PCDHA2: variants seen among roughly 807,000 people sequenced by gnomAD.
PCDHA2 encodes protocadherin alpha-2.
PCDHA2 carries 58 observed loss-of-function variants against 66.0 expected under a neutral mutation model. The observed-to-expected ratio is 0.88, with a 90% CI of 0.71 to 1.09. The LOEUF (loss-of-function observed/expected upper bound fraction) is 1.09, where lower values mean the gene tolerates loss of function less well. Among genes scored for constraint, PCDHA2 ranks in the 50% least tolerant of loss-of-function variants. PCDHA2 has a pLI of 0.00. For synonymous variants in PCDHA2, 634 were observed against 554.0 expected (o/e 1.14, Z -2.03); for missense variants, 1,267 against 1,242.3 (o/e 1.02, Z -0.30).
In PCDHA2 at chr5:140,843,230, C is replaced by A. The variant is rs1225755586; in HGVS notation, c.2388+45878C>A. On this transcript the variant is annotated intron_variant, in intron 1 of 3. Transcript: ENST00000526136. ...GGGCGAGATCAGCACCACTCGTGTC[C>A]TGGACGAAGCGGACTCTCCGCGCCA... 4 of 1,596,146 alleles carry A rather than the reference C, an allele frequency of 2.5e-6. 1 individual carries two copies. In the African/African-American group the frequency reaches 5.4e-5, roughly 21 times the overall value.
At position 141,009,957 on chromosome 5, in the gene PCDHA2, G is replaced by A; in HGVS notation, c.*20G>A. The stretch of plus-strand genomic sequence containing the variant: ...CAGTGAGGTCCTCAAATGGAAACAA[G>A]CCACTTAGCCAGTTTTTGTAATAAT... On this transcript the variant is annotated 3_prime_UTR_variant, in exon 4 of 4. Transcript: ENST00000526136. 1 of 1,589,160 alleles carries A rather than the reference G, an allele frequency of 6.3e-7. No individual in the cohort carries two copies. Among genetic ancestry groups the A allele is most frequent in the Non-Finnish European group, 8.5e-7 (1 of 1,171,102 alleles).
intron 1 of PCDHA2, chr5:140,829,960 C>T: frequency 1.2e-6 from 2 of 1,613,984 alleles, no homozygotes; most frequent in South Asian, 1.1e-5. Flanking sequence ...TCCCGTTTCG[C>T]GTGGGGCTGT....
chr5:140,860,155 A>G (rs1159738413), intron 1 of PCDHA2: 2 of 149,648 alleles, frequency 1.3e-5, no homozygotes, highest in African/African-American at 4.9e-5. Flanking sequence ...ATATATGTGT[A>G]TATATATATG....
intron 1 of PCDHA2, among the ~76,000 whole-genome samples, chr5:140,974,766 G>A (rs2096639663): frequency 6.6e-6 from 1 of 152,158 alleles, no homozygotes; most frequent in Non-Finnish European, 1.5e-5. Flanking sequence ...GGGATTACAG[G>A]TATGAGCCAC....
chr5:140,921,631 T>C (rs1435281144), intron 1 of PCDHA2, among the ~76,000 whole-genome samples: 2 of 152,206 alleles, frequency 1.3e-5, no homozygotes, highest in Non-Finnish European at 2.9e-5. Flanking sequence ...ATCATCATTA[T>C]GGTAGCTATT....
chr5:140,809,376 G>A (rs1554125172), intron 1 of PCDHA2: 1 of 1,614,034 alleles, frequency 6.2e-7, no homozygotes, highest in South Asian at 1.1e-5. Context: ...CCCACCGAGG[G>A]CGCGTGCGCT....
In PCDHA2 at chr5:140,982,326, G is replaced by T. The variant is rs1369721700; in HGVS notation, c.2448-149G>T. 1.6e-5 allele frequency: 22 copies of T among 1,411,958 alleles called. No homozygotes were observed. In the Admixed American group the frequency reaches 3.0e-4, roughly 20 times the overall value. The allele number at this position is 1,411,958 out of a possible 1,614,324, so 87.5% of individuals were successfully genotyped here. On this transcript the variant is annotated intron_variant, in intron 2 of 3. Transcript: ENST00000526136. ...CTTCTGCAGTTTATGCAGGGTGACTGCTCAGCAGTAATTGCTTCAGTTCAA... is the reference window on the plus strand; with the variant it reads ...CTTCTGCAGTTTATGCAGGGTGACTTCTCAGCAGTAATTGCTTCAGTTCAA...
At chr5:141,005,467 GC>G (rs1463928635) in intron 3 of PCDHA2, among the ~76,000 whole-genome samples, 1 of 151,982 alleles carries the variant, frequency 6.6e-6, no homozygotes, top group Non-Finnish European at 1.5e-5. Context: ...ACTTTGGGAG[GC>G]CGAGACGGGC....
chr5:140,924,766 G>A (rs543178519), intron 1 of PCDHA2, among the ~76,000 whole-genome samples: 1 of 151,878 alleles, frequency 6.6e-6, no homozygotes, highest in East Asian at 1.9e-4. Context: ...ATGGTGGTGC[G>A]CGCTTGTAGT....
intron 1 of PCDHA2, chr5:140,851,418 C>G: frequency 1.0e-6 from 1 of 958,736 alleles, no homozygotes; most frequent in South Asian, 4.8e-5. Flanking sequence ...AGAAACTTCC[C>G]CTAAACTTTA....
At chr5:140,878,571 A>G (rs531090803) in intron 1 of PCDHA2, among the ~76,000 whole-genome samples, 48 of 152,346 alleles carry the variant, frequency 3.2e-4, no homozygotes, top group African/African-American at 1.1e-3. Context: ...ATCATAGTAT[A>G]CCACTGCCCT....
At chr5:140,870,654 C>A in intron 1 of PCDHA2, 2 of 1,612,562 alleles carry the variant, frequency 1.2e-6, no homozygotes, top group Non-Finnish European at 1.7e-6. Flanking sequence ...GCAAGGTGTA[C>A]GCGCTGCAGC....
chr5:140,837,954 C>T (rs1258074130), intron 1 of PCDHA2, among the ~76,000 whole-genome samples: 1 of 151,820 alleles, frequency 6.6e-6, no homozygotes, highest in Non-Finnish European at 1.5e-5. Context: ...ATTGGGATTA[C>T]AGACACGAAC....
chr5:140,808,123 A>C, intron 1 of PCDHA2: 2 of 1,614,078 alleles, frequency 1.2e-6, no homozygotes, highest in Non-Finnish European at 1.7e-6. Flanking sequence ...ACTTTGAAGA[A>C]AGCAAATCCT....
chr5:140,993,523 CAG>C (rs111789518), intron 3 of PCDHA2, among the ~76,000 whole-genome samples: 1,510 of 145,458 alleles, frequency 0.01, 24 homozygotes, highest in African/African-American at 0.035. Flanking sequence ...GAGAGAGAGA[CAG>C]AGAGAGAGAG....
At chr5:140,856,688 A>T in intron 1 of PCDHA2, 1 of 1,597,342 alleles carries the variant, frequency 6.3e-7, no homozygotes, top group Non-Finnish European at 8.6e-7. Context: ...GTTGACAGCA[A>T]CTGATGGAGG....
At chr5:140,836,620 G>C (rs2150265891) in intron 1 of PCDHA2, 4 of 1,613,468 alleles carry the variant, frequency 2.5e-6, no homozygotes, top group Non-Finnish European at 3.4e-6. Context: ...AGCGCGGTGG[G>C]GAGCTGGTCA....
intron 3 of PCDHA2, among the ~76,000 whole-genome samples, chr5:140,992,128 G>GACTGATGAT (rs2097493639): frequency 6.6e-6 from 1 of 151,816 alleles, no homozygotes; most frequent in Non-Finnish European, 1.5e-5. Context: ...GAAGAACAGT[G>GACTGATGAT]ACTGATGATG....
intron 1 of PCDHA2, chr5:140,850,121 G>T (rs2150468757): frequency 6.3e-7 from 1 of 1,595,960 alleles, no homozygotes; most frequent in Non-Finnish European, 8.6e-7. Flanking sequence ...ACGCGGGCGT[G>T]CCGCCTCTGG....
Sources: allele counts gnomAD v4.1 joint callset (sites outside exome capture counted in the v4.1 genomes callset), GRCh38; gene constraint gnomAD v4.1.1; transcripts MANE v1.5; gene names NCBI Gene and HGNC (gene_info 2026-07-23, HGNC 2026-07-21).